Variants in SHANK1 observed in about 807,000 individuals in gnomAD.
The protein encoded by SHANK1 is SH3 and multiple ankyrin repeat domains protein 1.
In SHANK1, 35 loss-of-function variants were observed where a neutral mutation model predicts 165.6. The observed-to-expected ratio is 0.21, with a 90% CI of 0.16 to 0.28. SHANK1 has a LOEUF of 0.28. SHANK1 is among the 10% of genes least tolerant of loss of function. The pLI is 1.00. For missense variants in SHANK1, 2,681 were observed against 3,036.4 expected (o/e 0.88, Z 2.75); for synonymous variants, 1,428 against 1,384.8 (o/e 1.03, Z -0.69).
intron 9 of SHANK1, 37 bp downstream of exon 9, chr19:50,704,400 C>A: frequency 6.3e-7 from 1 of 1,590,912 alleles, no homozygotes; most frequent in Non-Finnish European, 8.6e-7. Context: ...CTTTCCTTAG[C>A]CCTGGAAACT....
In SHANK1 at chr19:50,704,008, G is replaced by A. The variant is rs991732133; in HGVS notation, c.1222+112C>T. 6 of 1,168,574 alleles carry A rather than the reference G, an allele frequency of 5.1e-6. No individual in the cohort carries two copies. In the South Asian group the frequency reaches 5.3e-5, roughly 10 times the overall value. 72.4% of individuals were successfully genotyped at this position (1,168,574 alleles called of 1,614,324 possible). A position where few individuals can be genotyped will look rare whatever the true frequency, so the allele number is the denominator to read the frequency against. On this transcript the variant is annotated intron_variant, in intron 10 of 23. Transcript: ENST00000293441. ...ATCCAGACATTTTTGGTCCTCTAGGGTTTTCTCCATCCTATCCTGGCCCCC... is the reference window on the plus strand; with the variant it reads ...ATCCAGACATTTTTGGTCCTCTAGGATTTTCTCCATCCTATCCTGGCCCCC...
intron 21 of SHANK1, among the ~76,000 whole-genome samples, chr19:50,673,288 C>T (rs1985864400): frequency 1.3e-5 from 2 of 152,034 alleles, no homozygotes; most frequent in Non-Finnish European, 2.9e-5. Flanking sequence ...CCTCCGGCTC[C>T]CGTTCTAGGG....
chr19:50,668,903 G>A lies in SHANK1; in HGVS notation c.3057C>T (p.His1019=). 1 of 1,293,058 alleles carries A rather than the reference G, an allele frequency of 7.7e-7. No homozygotes were observed. Among genetic ancestry groups the A allele is most frequent in the South Asian group, 2.0e-5 (1 of 49,040 alleles). 80.1% of individuals were successfully genotyped at this position (1,293,058 alleles called of 1,614,324 possible). Residue 1019 remains histidine (H), a synonymous_variant, in exon 23 of 24, where the codon CAC becomes CAT. Coordinates refer to ENST00000293441, the MANE Select transcript of SHANK1 (RefSeq NM_016148.5). ...PPPQPHHHHA[H]PPHPPEMETG... ...TCTCCATCTCGGGAGGATGAGGGGGGTGGGCGTGGTGGTGGTGGGGCTGAG... is the reference window on the plus strand; with the variant it reads ...TCTCCATCTCGGGAGGATGAGGGGGATGGGCGTGGTGGTGGTGGGGCTGAG...
At chr19:50,694,813 G>A (rs1568438420) in intron 15 of SHANK1, among the ~76,000 whole-genome samples, 1 of 148,858 alleles carries the variant, frequency 6.7e-6, no homozygotes, top group Non-Finnish European at 1.5e-5. Context: ...AAAGGCCCTG[G>A]GGCTGGGGTT....
At chr19:50,698,080 A>T in intron 12 of SHANK1, 124 bp from the exon 13 acceptor site, 1 of 699,794 alleles carries the variant, frequency 1.4e-6, no homozygotes, top group Admixed American at 2.2e-5. Context: ...TCCTTAATAA[A>T]CATCTGAGGA....
Position 50,669,010 on chromosome 19 carries a change from C to T in SHANK1, c.2950G>A (p.Glu984Lys). 2 of 834,244 alleles carry T rather than the reference C, an allele frequency of 2.4e-6. No homozygotes were observed. The highest frequency in any genetic ancestry group is 3.6e-6 in the Non-Finnish European group (2 of 556,846). The allele number at this position is 834,244 out of a possible 1,614,324, so 51.7% of individuals were successfully genotyped here. A position where few individuals can be genotyped will look rare whatever the true frequency, so the allele number is the denominator to read the frequency against. The stretch of plus-strand genomic sequence containing the variant: ...GGCCCACTGTGGTACAGGCTCTTCT[C>T]GCGGCTCCCCACGCGAGTGTCGGGA... ...SPPDTRVGSR[E>K]KSLYHSGPLP... Residue 984 changes from glutamate to lysine, a missense_variant, in exon 23 of 24, where the codon GAG becomes AAG. Coordinates refer to ENST00000293441, the MANE Select transcript of SHANK1 (RefSeq NM_016148.5).
intron 23 of SHANK1, 28 bp downstream of exon 23, chr19:50,666,164 C>G (rs1242361278): frequency 1.9e-6 from 3 of 1,538,744 alleles, no homozygotes; most frequent in African/African-American, 1.4e-5. Flanking sequence ...CCTCTGGCCT[C>G]CCTTGTTGGC....
chr19:50,667,679 G>T lies in SHANK1; in HGVS notation c.4281C>A (p.Gly1427=), dbSNP rs551406215. 24 of 1,375,388 alleles carry T rather than the reference G, an allele frequency of 1.7e-5. No homozygotes were observed. The African/African-American group carries it at 3.1e-4, about 18-fold the overall frequency. The allele number at this position is 1,375,388 out of a possible 1,614,324, so 85.2% of individuals were successfully genotyped here. A position where few individuals can be genotyped will look rare whatever the true frequency, so the allele number is the denominator to read the frequency against. Residue 1427 remains glycine, a synonymous_variant, in exon 23 of 24, where the codon GGC becomes GGA. Transcript: ENST00000293441. The surrounding 1 kb of genome is among the most constrained non-coding windows in gnomAD (Gnocchi z 5.7). ...RRELGYRAGL[G]SQEKSLPASP... is the part of the protein sequence containing the mutation. ...TGGCGGGAAGGGACTTCTCCTGGCT[G>T]CCCAGCCCGGCCCTGTACCCCAGCT...
chr19:50,682,349 C>A (rs781330009), intron 21 of SHANK1, among the ~76,000 whole-genome samples: 1 of 152,146 alleles, frequency 6.6e-6, no homozygotes, highest in African/African-American at 2.4e-5. Context: ...CCACTGCGCC[C>A]GGCCCAGCCT....
Position 50,672,092 on chromosome 19 carries a change from CG to C in SHANK1, c.2599del (p.Arg867ValfsTer18). On this transcript the variant is annotated frameshift_variant, in exon 22 of 24. Transcript: ENST00000293441. LOFTEE classifies it high-confidence loss of function. ...AGGACGCTCGTAACTTGGCTGGGCA[CG>C]GTGGTGGGGATCGAAGCTCGACTTT... ...ATESSFDPHH[R>X]AQPSYERPSF... 6.2e-7 allele frequency: 1 copy of C among 1,613,738 alleles called. No individual in the cohort carries two copies.
Position 50,662,703 on chromosome 19 carries a change from A to G in SHANK1, c.5769-21T>C. ...AGAGTCTGGAATGTGACAAGGGGGC[A>G]GTGGGGGAGGACAGGGATTTAGGGG... is the stretch of plus-strand genomic sequence containing the variant. On this transcript the variant is annotated intron_variant, in intron 23 of 23. Transcript: ENST00000293441. The surrounding 1 kb of genome is among the most constrained non-coding windows in gnomAD (Gnocchi z 7.7). 8.6e-7 allele frequency: 1 copy of G among 1,168,032 alleles called. No individual in the cohort carries two copies. Among genetic ancestry groups the G allele is most frequent in the Non-Finnish European group, 1.1e-6 (1 of 879,612 alleles). The allele number at this position is 1,168,032 out of a possible 1,614,324, so 72.4% of individuals were successfully genotyped here.
intron 19 of SHANK1, chr19:50,687,036 G>C (rs775361207): frequency 1.3e-6 from 2 of 1,485,938 alleles, no homozygotes; most frequent in Non-Finnish European, 8.9e-7. Context: ...TCTTCCAGGG[G>C]GAGACTAGCC....
At position 50,713,360 on chromosome 19, in the gene SHANK1, G is replaced by A. The variant is rs2089030707; in HGVS notation, c.792+438C>T. Among the ~76,000 whole-genome samples, 2 of 151,992 alleles carry A rather than the reference G, an allele frequency of 1.3e-5. No individual in the cohort carries two copies. ...GCTGTATTTGCATGTGAGAGAGGAG[G>A]GAGGGGAGCTGGTGCAGTGCTGGTT... is the stretch of plus-strand genomic sequence containing the variant. On this transcript the variant is annotated intron_variant, in intron 6 of 23. Transcript: ENST00000293441. The surrounding 1 kb of genome is among the most constrained non-coding windows in gnomAD (Gnocchi z 6.2).
In SHANK1 at chr19:50,712,102, G is replaced by A; in HGVS notation, c.805C>T (p.Leu269Phe). 1.3e-6 allele frequency: 2 copies of A among 1,592,818 alleles called. No individual in the cohort carries two copies. The highest frequency in any genetic ancestry group is 8.5e-7 in the Non-Finnish European group (1 of 1,171,028). ...TCCTTGTAGTTGGGGGAACCCCCAAGGTCCAGGAGCGCCTAGGAACGGAGA... is the reference window on the plus strand; with the variant it reads ...TCCTTGTAGTTGGGGGAACCCCCAAAGTCCAGGAGCGCCTAGGAACGGAGA... ...HCLALTALLD[L>F]GGSPNYKDRR... The change falls in exon 7 of 24, where the codon CTT (leucine) becomes TTT (phenylalanine). Residue 269 changes from leucine to phenylalanine, a missense_variant. Coordinates refer to ENST00000293441, the MANE Select transcript of SHANK1 (RefSeq NM_016148.5).
Position 50,661,625 on chromosome 19 carries a change from C to T in SHANK1, c.*340G>A, listed in dbSNP as rs572059056. 1.1e-3 allele frequency among the ~76,000 whole-genome samples: 162 copies of T among 152,156 alleles called. No homozygotes were observed. The highest frequency in any genetic ancestry group is 1.7e-3 in the Non-Finnish European group (117 of 67,980). ...GCCTGGGGGACAGTCCCCATCCAAT[C>T]GGGCTCAGGGCTGACCCTCTATGGC... On this transcript the variant is annotated 3_prime_UTR_variant, in exon 24 of 24. Transcript: ENST00000293441.
chr19:50,697,212 C>A lies in SHANK1; in HGVS notation c.1938-90G>T, dbSNP rs1986770231. ...CCAATCCCACCCAGCCCTGACTGCA[C>A]CCTCCCCACACCGGTGCATGGGACA... On this transcript the variant is annotated intron_variant, in intron 14 of 23. Coordinates refer to ENST00000293441, the MANE Select transcript of SHANK1 (RefSeq NM_016148.5). The surrounding 1 kb of genome is among the most constrained non-coding windows in gnomAD (Gnocchi z 4.7). 6.3e-7 allele frequency: 1 copy of A among 1,579,170 alleles called. No individual in the cohort carries two copies. The highest frequency in any genetic ancestry group is 8.7e-7 in the Non-Finnish European group (1 of 1,149,224).
chr19:50,667,502 C>A lies in SHANK1; in HGVS notation c.4458G>T (p.Glu1486Asp). 6.6e-7 allele frequency: 1 copy of A among 1,524,516 alleles called. No homozygotes were observed. The highest frequency in any genetic ancestry group is 8.7e-7 in the Non-Finnish European group (1 of 1,148,602). 94.4% of individuals were successfully genotyped at this position (1,524,516 alleles called of 1,614,324 possible). A position where few individuals can be genotyped will look rare whatever the true frequency, so the allele number is the denominator to read the frequency against. Residue 1486 changes from glutamate (E) to aspartate (D), a missense_variant, in exon 23 of 24, where the codon GAG becomes GAT. Physicochemically the swap from Glu to Asp is conservative, Grantham distance 45. Coordinates refer to ENST00000293441, the MANE Select transcript of SHANK1 (RefSeq NM_016148.5). The surrounding 1 kb of genome is among the most constrained non-coding windows in gnomAD (Gnocchi z 5.7). ...GGAACCGCACGTGCAGCGGCAGCCG[C>A]TCGGGTTCTTCGGGGGCTGCGGACC... ...PWRSAAPEEP[E>D]RLPLHVRFLE...
rs1286753099 is a variant in SHANK1 at position 50,716,048 on chromosome 19, T to G, written c.459+227A>C. On this transcript the variant is annotated intron_variant, in intron 3 of 23. Coordinates refer to ENST00000293441, the MANE Select transcript of SHANK1 (RefSeq NM_016148.5). This position sits in a 1 kb window ranked among gnomAD's most constrained non-coding sequence, Gnocchi z 8.4. ...CCCAATTTGATGGGTGAGGAGAAGC[T>G]TGGGGCAGGAAAGTGACTTGGCCAA... Among the ~76,000 whole-genome samples the G allele has an allele frequency of 6.6e-6, 1 of 152,150 alleles. No individual in the cohort carries two copies. The highest frequency in any genetic ancestry group is 1.9e-4 in the East Asian group (1 of 5,192).
At position 50,714,168 on chromosome 19, in the gene SHANK1, G is replaced by C; in HGVS notation, c.640+14C>G. 6.2e-7 allele frequency: 1 copy of C among 1,609,496 alleles called. No homozygotes were observed. Among genetic ancestry groups the C allele is most frequent in the Middle Eastern group, 1.7e-4 (1 of 6,042 alleles). Reference sequence around the variant, plus strand: ...CCTGGCCCTGAGGTCCTCCTGATGCGCACCCCTCCCTACCTCCCGAATCCG... The same window carrying C: ...CCTGGCCCTGAGGTCCTCCTGATGCCCACCCCTCCCTACCTCCCGAATCCG... On this transcript the variant is annotated intron_variant, in intron 5 of 23. Coordinates refer to ENST00000293441, the MANE Select transcript of SHANK1 (RefSeq NM_016148.5).
Sources: allele counts gnomAD v4.1 joint callset (sites outside exome capture counted in the v4.1 genomes callset), GRCh38; gene constraint gnomAD v4.1.1; non-coding constraint Gnocchi (gnomAD v3.1); transcripts MANE v1.5; gene names NCBI Gene and HGNC (gene_info 2026-07-23, HGNC 2026-07-21).